Variants in CDK18 observed in about 807,000 individuals in gnomAD.
The protein encoded by CDK18 is cyclin dependent kinase 18, also known as cyclin-dependent kinase 18.
In CDK18, 52 loss-of-function variants were observed where a neutral mutation model predicts 62.0. That is an observed-to-expected ratio of 0.84 (90% CI 0.67 to 1.06). The LOEUF is 1.06. Ranked by LOEUF, CDK18 falls within the 50% of genes least tolerant of loss-of-function variation. CDK18 has a pLI of 0.00. For synonymous variants in CDK18, 237 were observed against 247.0 expected (o/e 0.96, Z 0.38); for missense variants, 604 against 619.9 (o/e 0.97, Z 0.27).
At chr1:205,505,738 G>A (rs965721799) in intron 1 of CDK18, among the ~76,000 whole-genome samples, 1 of 152,140 alleles carries the variant, frequency 6.6e-6, no homozygotes, top group Admixed American at 6.5e-5. Context: ...ACAGTGAGGG[G>A]TTTTCTGTGC....
Position 205,531,597 on chromosome 1 carries a change from C to A in CDK18, c.*219C>A. ...CCTGCATACCAACCCCTCCTTTACC[C>A]ACGTTGGGGCTGGCATAAGCTGCTT... is the stretch of plus-strand genomic sequence containing the variant. On this transcript the variant is annotated 3_prime_UTR_variant, in exon 16 of 16. Coordinates refer to ENST00000429964, the MANE Select transcript of CDK18 (RefSeq NM_212502.3). The A allele has an allele frequency of 1.8e-6, 1 of 571,082 alleles. No individual in the cohort carries two copies. The highest frequency in any genetic ancestry group is 2.0e-5 in the South Asian group (1 of 50,102). The allele number at this position is 571,082 out of a possible 1,614,324, so 35.4% of individuals were successfully genotyped here.
chr1:205,520,689 G>A (rs1049782915), intron 1 of CDK18, among the ~76,000 whole-genome samples: 1 of 135,658 alleles, frequency 7.4e-6, no homozygotes, highest in South Asian at 2.6e-4. Flanking sequence ...GATAGAGCAC[G>A]ACTCTATCTC....
intron 11 of CDK18, 45 bp from the exon 12 acceptor site, chr1:205,529,279 C>A: frequency 6.4e-7 from 1 of 1,551,696 alleles, no homozygotes; most frequent in Non-Finnish European, 8.9e-7. Context: ...CGGCCTTGGC[C>A]CTGGGCCTCA....
chr1:205,523,565 G>C lies in CDK18; in HGVS notation c.213G>C (p.Gly71=), dbSNP rs1447050413. The change falls in exon 3 of 16, where the codon GGG becomes GGC. Residue 71 remains glycine (G), a synonymous_variant. Coordinates refer to ENST00000429964, the MANE Select transcript of CDK18 (RefSeq NM_212502.3). ...FSPTDSGEEP[G]QLSPGVQFQR... ...CAACAGACAGCGGGGAGGAGCCGGG[G>C]CAGCTCTCCCCTGGCGTGCAGTTCC... The C allele has an allele frequency of 6.2e-7, 1 of 1,601,804 alleles. No individual in the cohort carries two copies. Among genetic ancestry groups the C allele is most frequent in the East Asian group, 2.3e-5 (1 of 44,406 alleles).
intron 5 of CDK18, 82 bp downstream of exon 5, chr1:205,525,277 C>A: frequency 1.0e-6 from 1 of 980,420 alleles, no homozygotes; most frequent in Non-Finnish European, 1.5e-6. Context: ...TCGGCCCTCT[C>A]TGGTCGGCCC....
At chr1:205,525,301 C>G in intron 5 of CDK18, 106 bp downstream of exon 5, 1 of 701,974 alleles carries the variant, frequency 1.4e-6, no homozygotes, top group South Asian at 1.9e-5. Context: ...CTGGTTGGCC[C>G]TCTCCTGGCC....
chr1:205,527,027 A>G lies in CDK18; in HGVS notation c.729+190A>G. The G allele has an allele frequency of 3.4e-6, 2 of 584,774 alleles. No individual in the cohort carries two copies. 36.2% of individuals were successfully genotyped at this position (584,774 alleles called of 1,614,324 possible). ...GTTGAGCGCTTTACCCCAAGAACAG[A>G]CACACACTGTCTGCCACTGTCTAGC... On this transcript the variant is annotated intron_variant, in intron 8 of 15. Coordinates refer to ENST00000429964, the MANE Select transcript of CDK18 (RefSeq NM_212502.3). This position sits in a 1 kb window ranked among gnomAD's most constrained non-coding sequence, Gnocchi z 4.1.
At chr1:205,513,952 G>A (rs1667693374) in intron 1 of CDK18, among the ~76,000 whole-genome samples, 1 of 152,238 alleles carries the variant, frequency 6.6e-6, no homozygotes, top group African/African-American at 2.4e-5. Flanking sequence ...GCTGGCTAGA[G>A]GAAGAGGGTC....
intron 1 of CDK18, among the ~76,000 whole-genome samples, chr1:205,511,572 G>A (rs563419046): frequency 6.6e-6 from 1 of 152,302 alleles, no homozygotes; most frequent in Non-Finnish European, 1.5e-5. Flanking sequence ...ATGCAGATAA[G>A]CAAAAAGAAG....
Position 205,527,682 on chromosome 1 carries a change from G to A in CDK18, c.730-112G>A. On this transcript the variant is annotated intron_variant, in intron 8 of 15. Transcript: ENST00000429964. The surrounding 1 kb of genome is among the most constrained non-coding windows in gnomAD (Gnocchi z 4.1). ...GGGGCTGCAGGGTGTGCAGGAGAAT[G>A]AGGGGCTTGTGCTGACCTCACTGCC... 1.0e-6 allele frequency: 1 copy of A among 999,014 alleles called. No homozygotes were observed. Among genetic ancestry groups the A allele is most frequent in the South Asian group, 1.5e-5 (1 of 66,964 alleles). 61.9% of individuals were successfully genotyped at this position (999,014 alleles called of 1,614,324 possible).
At chr1:205,530,144 C>G in intron 13 of CDK18, 115 bp from the exon 14 acceptor site, 1 of 1,531,204 alleles carries the variant, frequency 6.5e-7, no homozygotes, top group East Asian at 2.3e-5. Flanking sequence ...TGGGGCTTCT[C>G]CTGTTAGCCT....
chr1:205,528,261 C>A lies in CDK18; in HGVS notation c.974+93C>A. Reference sequence around the variant, plus strand: ...CTTCCCCAAGGGCCTCGGGGAAGAACTGCCTAACTTCCTTTGCCTAAAAGC... The same window carrying A: ...CTTCCCCAAGGGCCTCGGGGAAGAAATGCCTAACTTCCTTTGCCTAAAAGC... On this transcript the variant is annotated intron_variant, in intron 10 of 15. Transcript: ENST00000429964. This position sits in a 1 kb window ranked among gnomAD's most constrained non-coding sequence, Gnocchi z 4.2. 6.9e-7 allele frequency: 1 copy of A among 1,456,248 alleles called. No homozygotes were observed. The highest frequency in any genetic ancestry group is 9.4e-7 in the Non-Finnish European group (1 of 1,064,118). The allele number at this position is 1,456,248 out of a possible 1,614,324, so 90.2% of individuals were successfully genotyped here. A position where few individuals can be genotyped will look rare whatever the true frequency, so the allele number is the denominator to read the frequency against.
intron 2 of CDK18, 84 bp downstream of exon 2, chr1:205,523,381 C>T (rs777083241): frequency 6.2e-7 from 1 of 1,602,966 alleles, no homozygotes; most frequent in Non-Finnish European, 8.5e-7. Flanking sequence ...ACCCCCTCCC[C>T]ACTGGCCTTA....
At chr1:205,508,830 C>A (rs772533323) in intron 1 of CDK18, among the ~76,000 whole-genome samples, 1 of 139,840 alleles carries the variant, frequency 7.2e-6, no homozygotes, top group Non-Finnish European at 1.6e-5. Flanking sequence ...GGCAACAGAA[C>A]AAGAACTTGT....
chr1:205,523,293 T>C lies in CDK18; in HGVS notation c.126T>C (p.Asn42=), dbSNP rs777572567. 1 of 1,614,082 alleles carries C rather than the reference T, an allele frequency of 6.2e-7. No homozygotes were observed. The highest frequency in any genetic ancestry group is 8.5e-7 in the Non-Finnish European group (1 of 1,179,992). ...TCAACCAGCTCCACAACCGGCGGAA[T>C]GAGAGTGAGGGGTCTGGGCCCACCC... ...EQFNQLHNRR[N]ENLQLGPLGR... is the part of the protein sequence containing the mutation. The change falls in exon 2 of 16, where the codon AAT becomes AAC. Residue 42 remains asparagine, a synonymous_variant. Coordinates refer to ENST00000429964, the MANE Select transcript of CDK18 (RefSeq NM_212502.3).
chr1:205,530,552 T>C, intron 14 of CDK18, 76 bp from the exon 15 acceptor site: 1 of 1,365,892 alleles, frequency 7.3e-7, no homozygotes, highest in Non-Finnish European at 1.0e-6. Flanking sequence ...AGGGCTCAGT[T>C]GGTCCTTCTG....
At position 205,529,412 on chromosome 1, in the gene CDK18, C is replaced by T; in HGVS notation, c.1161C>T (p.Leu387=). 2 of 1,613,962 alleles carry T rather than the reference C, an allele frequency of 1.2e-6. No homozygotes were observed. The highest frequency in any genetic ancestry group is 1.7e-6 in the Non-Finnish European group (2 of 1,179,934). ...TCCCCTGCTACCTCCCGCAGCCGCT[C>T]ATCAACCACGCGCCCAGGTAGCCCC... is the stretch of plus-strand genomic sequence containing the variant. ...YSFPCYLPQP[L]INHAPRLDTD... is the part of the protein sequence containing the mutation. Residue 387 remains leucine (L), a synonymous_variant, in exon 12 of 16, where the codon CTC becomes CTT. Transcript: ENST00000429964.
intron 5 of CDK18, 30 bp from the exon 6 acceptor site, chr1:205,526,035 G>A (rs368932000): frequency 4.5e-6 from 7 of 1,543,644 alleles, no homozygotes; most frequent in African/African-American, 1.4e-5. Flanking sequence ...ACCTGAATGC[G>A]CCTGGGGCCG....
Position 205,525,198 on chromosome 1 carries a change from A to G in CDK18, c.456+3A>G, listed in dbSNP as rs778573693. Reference sequence around the variant, plus strand: ...TGAAACTGGACAAACTGGGAGAGGTAAGACGCTGGGTTTGGTCTTCTCCGA... The same window carrying G: ...TGAAACTGGACAAACTGGGAGAGGTGAGACGCTGGGTTTGGTCTTCTCCGA... On this transcript the variant is annotated splice_donor_region_variant and intron_variant, in intron 5 of 15. Transcript: ENST00000429964. The G allele has an allele frequency of 3.1e-6, 5 of 1,608,982 alleles. No homozygotes were observed. The highest frequency in any genetic ancestry group is 4.3e-6 in the Non-Finnish European group (5 of 1,176,034).
Sources: gnomAD v4.1 joint callset for allele counts (sites outside exome capture counted in the v4.1 genomes callset) on GRCh38, gnomAD v4.1.1 for gene constraint, Gnocchi (gnomAD v3.1) non-coding constraint, MANE v1.5 for transcripts, NCBI Gene and HGNC (gene_info 2026-07-23, HGNC 2026-07-21) for gene names.